The following DGKI variants were observed in gnomAD, a reference collection of about 807,000 sequenced individuals.
DGKI encodes the protein DAG kinase iota.
Under a neutral mutation model 147.5 loss-of-function variants are expected in DGKI, and 55 were observed. That is an observed-to-expected ratio of 0.37 (90% CI 0.30 to 0.47). DGKI has a LOEUF of 0.47. Among genes scored for constraint, DGKI ranks in the 20% least tolerant of loss-of-function variants. DGKI has a pLI of 1.00. For synonymous variants in DGKI, 469 were observed against 477.1 expected (o/e 0.98, Z 0.22); for missense variants, 1,007 against 1,323.8 (o/e 0.76, Z 3.71).
chr7:137,698,480 A>T (rs1014954372), intron 1 of DGKI, among the ~76,000 whole-genome samples: 4 of 152,194 alleles, frequency 2.6e-5, no homozygotes, highest in Non-Finnish European at 5.9e-5. Flanking sequence ...AAGGTAAAAG[A>T]ACAAGACTCT....
At chr7:137,628,331 C>T (rs1481728847) in intron 6 of DGKI, among the ~76,000 whole-genome samples, 1 of 152,130 alleles carries the variant, frequency 6.6e-6, no homozygotes, top group Non-Finnish European at 1.5e-5. Flanking sequence ...TGGCAATGAG[C>T]CTGGTGGTAA....
At chr7:137,689,633 C>G (rs912566620) in intron 2 of DGKI, among the ~76,000 whole-genome samples, 1 of 152,196 alleles carries the variant, frequency 6.6e-6, no homozygotes, top group Non-Finnish European at 1.5e-5. Context: ...GCACGAGGTA[C>G]TTTTTAATCT....
At chr7:137,462,107 T>A (rs543159601) in intron 27 of DGKI, among the ~76,000 whole-genome samples, 23 of 152,120 alleles carry the variant, frequency 1.5e-4, no homozygotes, top group Non-Finnish European at 2.5e-4. Context: ...ATTATATATA[T>A]ATATACAACT....
At chr7:137,515,083 C>T (rs1816705504) in intron 21 of DGKI, among the ~76,000 whole-genome samples, 2 of 152,150 alleles carry the variant, frequency 1.3e-5, no homozygotes, top group Non-Finnish European at 2.9e-5. Context: ...ATTAAATATA[C>T]TAAGGATGCT....
chr7:137,596,229 T>C (rs769635014), intron 12 of DGKI, among the ~76,000 whole-genome samples: 1 of 152,020 alleles, frequency 6.6e-6, no homozygotes, highest in Non-Finnish European at 1.5e-5. Context: ...CCTCAACTTA[T>C]CTGTTTTTGT....
At position 137,607,576 on chromosome 7, in the gene DGKI, T is replaced by C. The variant is rs3823549; in HGVS notation, c.1167+1390A>G. ...ATAATGATTTAATAAATGCATCTTA[T>C]ATGTGGACTGTCATGACAAAATATA... On this transcript the variant is annotated intron_variant, in intron 10 of 32. Transcript: ENST00000614521. Among the ~76,000 whole-genome samples, 491 of 152,284 alleles carry C rather than the reference T, an allele frequency of 3.2e-3. 19 individuals carry two copies. In the East Asian group the frequency reaches 0.084, roughly 26 times the overall value.
intron 23 of DGKI, among the ~76,000 whole-genome samples, chr7:137,478,067 C>T (rs1055754736): frequency 6.6e-6 from 1 of 152,134 alleles, no homozygotes; most frequent in African/African-American, 2.4e-5. Context: ...TAAAGGTCTA[C>T]ATTGGGTGGA....
chr7:137,821,016 T>A (rs1488992497), intron 1 of DGKI, among the ~76,000 whole-genome samples: 3 of 152,094 alleles, frequency 2.0e-5, no homozygotes, highest in Non-Finnish European at 4.4e-5. Flanking sequence ...TGCACCTCAT[T>A]AGCAACAGCC....
intron 1 of DGKI, among the ~76,000 whole-genome samples, chr7:137,801,467 G>T (rs1241292851): frequency 6.6e-6 from 1 of 152,206 alleles, no homozygotes; most frequent in Non-Finnish European, 1.5e-5. Context: ...TTCATTAGAT[G>T]TAGGACCAGA....
intron 1 of DGKI, among the ~76,000 whole-genome samples, chr7:137,793,103 G>A (rs1461213804): frequency 2.0e-5 from 3 of 151,854 alleles, no homozygotes; most frequent in African/African-American, 7.3e-5. Flanking sequence ...TTCTTTTTGT[G>A]TAAAAGCTAA....
At chr7:137,784,413 A>G (rs1474900278) in intron 1 of DGKI, among the ~76,000 whole-genome samples, 2 of 152,198 alleles carry the variant, frequency 1.3e-5, no homozygotes, top group African/African-American at 4.8e-5. Flanking sequence ...CAAGTCCAAC[A>G]GGAAAATATC....
intron 1 of DGKI, among the ~76,000 whole-genome samples, chr7:137,775,702 C>G (rs113406266): frequency 6.6e-6 from 1 of 152,198 alleles, no homozygotes; most frequent in East Asian, 1.9e-4. Context: ...AATGTTTTAG[C>G]AACATTACGT....
chr7:137,412,668 T>C (rs1431227672), intron 28 of DGKI, among the ~76,000 whole-genome samples: 1 of 152,218 alleles, frequency 6.6e-6, no homozygotes, highest in African/African-American at 2.4e-5. Flanking sequence ...TCCTTCTTTC[T>C]AGTTCCTTCT....
chr7:137,494,378 T>A (rs1815883656), intron 21 of DGKI, among the ~76,000 whole-genome samples: 1 of 151,636 alleles, frequency 6.6e-6, no homozygotes, highest in African/African-American at 2.4e-5. Context: ...CATCAGATTC[T>A]CCAAGGAAAA....
At chr7:137,691,968 G>A (rs895840592) in intron 1 of DGKI, among the ~76,000 whole-genome samples, 2 of 151,898 alleles carry the variant, frequency 1.3e-5, no homozygotes, top group African/African-American at 2.4e-5. Context: ...TATAATCCCC[G>A]AAAGGGTCAT....
chr7:137,717,620 T>C (rs1054859742), intron 1 of DGKI, among the ~76,000 whole-genome samples: 1 of 152,218 alleles, frequency 6.6e-6, no homozygotes, highest in African/African-American at 2.4e-5. Context: ...AGAAATATTT[T>C]TATGTTGATT....
At chr7:137,752,798 T>C (rs765195035) in intron 1 of DGKI, among the ~76,000 whole-genome samples, 1 of 152,160 alleles carries the variant, frequency 6.6e-6, no homozygotes, top group Non-Finnish European at 1.5e-5. Context: ...GATGTGAGTC[T>C]TGCCGAAGCT....
At chr7:137,559,149 G>A (rs896391286) in intron 19 of DGKI, among the ~76,000 whole-genome samples, 1 of 122,358 alleles carries the variant, frequency 8.2e-6, no homozygotes. Context: ...TCGGCTCACT[G>A]CAAGCTCCGC....
chr7:137,412,660 CTTCT>C (rs1279811664), intron 28 of DGKI, among the ~76,000 whole-genome samples: 1 of 152,178 alleles, frequency 6.6e-6, no homozygotes, highest in Non-Finnish European at 1.5e-5. Flanking sequence ...CACTTGCTTC[CTTCT>C]TTCTAGTTCC....
Sources: allele counts gnomAD v4.1 joint callset (sites outside exome capture counted in the v4.1 genomes callset), GRCh38; gene constraint gnomAD v4.1.1; transcripts MANE v1.5; gene names NCBI Gene and HGNC (gene_info 2026-07-23, HGNC 2026-07-21).